Variants in ZBTB16 observed in about 807,000 individuals in gnomAD.
ZBTB16 encodes the protein zinc finger and BTB domain containing 16, also known as zinc finger and BTB domain-containing protein 16.
In ZBTB16, 8 loss-of-function variants were observed where a neutral mutation model predicts 56.8. The observed-to-expected ratio is 0.14, with a 90% CI of 0.08 to 0.25. The LOEUF is 0.25. Ranked by LOEUF, ZBTB16 falls within the 10% of genes least tolerant of loss-of-function variation. The probability of loss-of-function intolerance (pLI) is 1.00; values close to 1 mark genes in which losing one functional copy is unlikely to be tolerated. For synonymous variants in ZBTB16, 363 were observed against 368.5 expected (o/e 0.98, Z 0.17); for missense variants, 625 against 903.0 (o/e 0.69, Z 3.95).
At position 114,168,466 on chromosome 11, in the gene ZBTB16, CA is replaced by C. The variant is rs1383512089; in HGVS notation, c.1366+12033del. 5.9e-5 allele frequency among the ~76,000 whole-genome samples: 9 copies of C among 152,298 alleles called. No homozygotes were observed. The East Asian group carries it at 1.4e-3, about 23-fold the overall frequency. On this transcript the variant is annotated intron_variant, in intron 3 of 6. Transcript: ENST00000335953. The stretch of plus-strand genomic sequence containing the variant: ...ACATTTATTGAAACTTGCTGTGTTC[CA>C]GGCACAGTGCTATGTGTTCTGCATA...
chr11:114,074,644 C>T (rs1363510702), intron 2 of ZBTB16, among the ~76,000 whole-genome samples: 2 of 152,254 alleles, frequency 1.3e-5, no homozygotes, highest in African/African-American at 4.8e-5. Flanking sequence ...TCATAACCCA[C>T]TAATGGGAAC....
intron 3 of ZBTB16, among the ~76,000 whole-genome samples, chr11:114,173,566 C>T (rs1001041478): frequency 3.9e-5 from 6 of 152,182 alleles, no homozygotes; most frequent in Admixed American, 1.3e-4. Context: ...CTAAAATTTA[C>T]GTACTCAGCC....
At chr11:114,245,182 G>A (rs1031817340) in intron 5 of ZBTB16, among the ~76,000 whole-genome samples, 3 of 152,128 alleles carry the variant, frequency 2.0e-5, no homozygotes, top group Admixed American at 1.3e-4. Context: ...TGGGGCTGGG[G>A]GCCAGGCAGT....
chr11:114,083,276 C>G (rs1249983158), intron 2 of ZBTB16, among the ~76,000 whole-genome samples: 1 of 152,196 alleles, frequency 6.6e-6, no homozygotes, highest in Non-Finnish European at 1.5e-5. Context: ...GCACCTACCA[C>G]CTTTAACCCA....
intron 2 of ZBTB16, among the ~76,000 whole-genome samples, chr11:114,148,743 A>C (rs916294948): frequency 3.3e-5 from 5 of 151,860 alleles, no homozygotes; most frequent in African/African-American, 1.2e-4. Flanking sequence ...TCTGCCGGTC[A>C]CAGCCTCCCA....
chr11:114,249,353 G>C (rs1944874358), intron 6 of ZBTB16, among the ~76,000 whole-genome samples: 1 of 151,000 alleles, frequency 6.6e-6, no homozygotes, highest in Non-Finnish European at 1.5e-5. Flanking sequence ...AGCTACTTGG[G>C]AGGCTGAGGC....
intron 6 of ZBTB16, 80 bp downstream of exon 6, chr11:114,247,445 C>G (rs748507316): frequency 7.9e-5 from 126 of 1,585,920 alleles, no homozygotes; most frequent in Non-Finnish European, 1.0e-4. Flanking sequence ...CTAGAGAAGC[C>G]TAAGTGAGGA....
chr11:114,144,177 GACACACAC>G (rs56679355), intron 2 of ZBTB16, among the ~76,000 whole-genome samples: 2,324 of 145,014 alleles, frequency 0.016, 73 homozygotes, highest in African/African-American at 0.054. Flanking sequence ...GTGTTTGCCA[GACACACAC>G]ACACACACAC....
chr11:114,067,170 G>A (rs1939149880), intron 2 of ZBTB16, among the ~76,000 whole-genome samples: 1 of 152,144 alleles, frequency 6.6e-6, no homozygotes, highest in Non-Finnish European at 1.5e-5. Flanking sequence ...CATAGTCACC[G>A]CAGCGGTGGA....
In ZBTB16 at chr11:114,251,157, G is replaced by C. The variant is rs562460689; in HGVS notation, c.*602G>C. Among the ~76,000 whole-genome samples the C allele has an allele frequency of 6.6e-6, 1 of 152,076 alleles. No homozygotes were observed. Among genetic ancestry groups the C allele is most frequent in the South Asian group, 2.1e-4 (1 of 4,810 alleles). On this transcript the variant is annotated 3_prime_UTR_variant, in exon 7 of 7. Coordinates refer to ENST00000335953, the MANE Select transcript of ZBTB16 (RefSeq NM_006006.6). ...CTTTGCCACATCTGGGTGTCCCCCG[G>C]TGGTCTCTGAGAGCCTCAGGACCCC...
chr11:114,184,522 A>T (rs549177258), intron 3 of ZBTB16, among the ~76,000 whole-genome samples: 22 of 152,326 alleles, frequency 1.4e-4, no homozygotes, highest in African/African-American at 5.1e-4. Context: ...ATGGAACCCC[A>T]GGGAGGCCGA....
At chr11:114,102,452 C>T (rs1011451676) in intron 2 of ZBTB16, among the ~76,000 whole-genome samples, 1 of 152,098 alleles carries the variant, frequency 6.6e-6, no homozygotes, top group African/African-American at 2.4e-5. Flanking sequence ...CATTCATCAT[C>T]ACTCTTCTCC....
chr11:114,067,341 A>G (rs1180233562), intron 2 of ZBTB16, among the ~76,000 whole-genome samples: 1 of 152,190 alleles, frequency 6.6e-6, no homozygotes, highest in Non-Finnish European at 1.5e-5. Context: ...AGCATATGAC[A>G]GCAAGACACT....
chr11:114,202,473 C>T (rs933604330), intron 4 of ZBTB16, among the ~76,000 whole-genome samples: 5 of 152,160 alleles, frequency 3.3e-5, no homozygotes, highest in Non-Finnish European at 2.9e-5. Context: ...TCTGTGTGAC[C>T]TGGGCGAGAG....
At chr11:114,069,510 G>T (rs1325901769) in intron 2 of ZBTB16, among the ~76,000 whole-genome samples, 1 of 152,208 alleles carries the variant, frequency 6.6e-6, no homozygotes, top group Non-Finnish European at 1.5e-5. Flanking sequence ...TGAGCTTTGT[G>T]GCTAAGATAT....
At chr11:114,157,975 G>A (rs945685068) in intron 3 of ZBTB16, among the ~76,000 whole-genome samples, 9 of 151,768 alleles carry the variant, frequency 5.9e-5, no homozygotes, top group East Asian at 3.9e-4. Context: ...GCATTTCTGC[G>A]TCCGGATCTG....
intron 3 of ZBTB16, among the ~76,000 whole-genome samples, chr11:114,178,634 T>C (rs796504883): frequency 4.6e-5 from 7 of 152,262 alleles, no homozygotes; most frequent in African/African-American, 7.2e-5. Context: ...TGGCTGAGAA[T>C]TGAGTTGCAG....
chr11:114,148,718 C>T (rs560339949), intron 2 of ZBTB16, among the ~76,000 whole-genome samples: 2 of 151,710 alleles, frequency 1.3e-5, no homozygotes, highest in Non-Finnish European at 2.9e-5. Context: ...TGGTCTCGAT[C>T]TCCTGACCTC....
intron 3 of ZBTB16, among the ~76,000 whole-genome samples, chr11:114,170,380 G>A (rs1029507576): frequency 6.6e-6 from 1 of 152,220 alleles, no homozygotes; most frequent in African/African-American, 2.4e-5. Flanking sequence ...CTCGGACCAC[G>A]TGGGTGAAGC....
Sources: allele counts gnomAD v4.1 joint callset (sites outside exome capture counted in the v4.1 genomes callset), GRCh38; gene constraint gnomAD v4.1.1; transcripts MANE v1.5; gene names NCBI Gene and HGNC (gene_info 2026-07-23, HGNC 2026-07-21).